The following ALX3 variants were observed in gnomAD, a reference collection of about 807,000 sequenced individuals.
The protein encoded by ALX3 is ALX homeobox 3, also known as homeobox protein aristaless-like 3.
ALX3 carries 17 observed loss-of-function variants against 26.3 expected under a neutral mutation model. The observed-to-expected ratio is 0.65, with a 90% confidence interval of 0.44 to 0.97. ALX3 has a LOEUF of 0.97. ALX3 is among the 50% of genes least tolerant of loss of function. The pLI is 0.00. For synonymous variants in ALX3, 208 were observed against 201.4 expected (o/e 1.03, Z -0.28); for missense variants, 461 against 466.5 (o/e 0.99, Z 0.11).
In ALX3 at chr1:110,060,656, G is replaced by A. The variant is rs1479224464; in HGVS notation, c.*77C>T. 3 of 297,852 alleles carry A rather than the reference G, an allele frequency of 1.0e-5. No individual in the cohort carries two copies. In the African/African-American group the frequency reaches 4.7e-4, roughly 46 times the overall value. The allele number at this position is 297,852 out of a possible 1,614,324, so 18.5% of individuals were successfully genotyped here. On this transcript the variant is annotated 3_prime_UTR_variant, in exon 4 of 4. Transcript: ENST00000647563. ...CAGCCTCCAGAACCATCTGGGGCTT[G>A]GAGGCAGAGGTGGGCTGGGAGCGAC...
At position 110,061,772 on chromosome 1, in the gene ALX3, C is replaced by A; in HGVS notation, c.595-209G>T. On this transcript the variant is annotated intron_variant, in intron 2 of 3. Coordinates refer to ENST00000647563, the MANE Select transcript of ALX3 (RefSeq NM_006492.3). ...GCCCAAGCCCACAGTGGGTAATTGG[C>A]CCCATGGGCCTCCAGCTGTCACTCC... is the stretch of plus-strand genomic sequence containing the variant. The A allele has an allele frequency of 5.8e-6, 4 of 694,644 alleles. No homozygotes were observed. The South Asian group carries it at 7.7e-5, about 13-fold the overall frequency. 43.0% of individuals were successfully genotyped at this position (694,644 alleles called of 1,614,324 possible).
chr1:110,070,127 G>A (rs900342142), intron 1 of ALX3, among the ~76,000 whole-genome samples: 4 of 152,150 alleles, frequency 2.6e-5, no homozygotes, highest in Non-Finnish European at 5.9e-5. Context: ...GCCGAGGAAC[G>A]GTGGTTCACC....
chr1:110,060,509 T>G lies in ALX3; in HGVS notation c.*224A>C. 1 of 382,936 alleles carries G rather than the reference T, an allele frequency of 2.6e-6. No homozygotes were observed. The highest frequency in any genetic ancestry group is 4.7e-6 in the Non-Finnish European group (1 of 214,532). The allele number at this position is 382,936 out of a possible 1,614,324, so 23.7% of individuals were successfully genotyped here. Reference sequence around the variant, plus strand: ...CAGAGTTCAGGTGAGGGGACTCAGTTTGTGGTAGGAAGAGTCCTGGCTGCT... The same window carrying G: ...CAGAGTTCAGGTGAGGGGACTCAGTGTGTGGTAGGAAGAGTCCTGGCTGCT... On this transcript the variant is annotated 3_prime_UTR_variant, in exon 4 of 4. Coordinates refer to ENST00000647563, the MANE Select transcript of ALX3 (RefSeq NM_006492.3).
chr1:110,067,011 C>T (rs948220163), intron 1 of ALX3, among the ~76,000 whole-genome samples: 14 of 152,210 alleles, frequency 9.2e-5, no homozygotes, highest in Admixed American at 5.9e-4. Flanking sequence ...TCTCAAGGGA[C>T]CACGGAACTG....
chr1:110,064,736 T>G lies in ALX3; in HGVS notation c.445A>C (p.Asn149His). ...CGGTTACGACGCTTCTTGCTCTTGT[T>G]CTTGGCCAACTCCATGGAGTCAGGG... ...GLPDSMELAK[N>H]KSKKRRNRTT... is the part of the protein sequence containing the mutation. Residue 149 changes from asparagine to histidine, a missense_variant, in exon 2 of 4, where the codon AAC becomes CAC. Physicochemically the swap from Asn to His is moderately conservative, Grantham distance 68. Coordinates refer to ENST00000647563, the MANE Select transcript of ALX3 (RefSeq NM_006492.3). The G allele has an allele frequency of 6.2e-7, 1 of 1,614,242 alleles. No individual in the cohort carries two copies.
chr1:110,070,358 G>A lies in ALX3; in HGVS notation c.255C>T (p.His85=). The A allele has an allele frequency of 7.8e-7, 1 of 1,290,130 alleles. No homozygotes were observed. Among genetic ancestry groups the A allele is most frequent in the Non-Finnish European group, 9.8e-7 (1 of 1,018,676 alleles). The allele number at this position is 1,290,130 out of a possible 1,614,324, so 79.9% of individuals were successfully genotyped here. Residue 85 remains histidine (H), a synonymous_variant, in exon 1 of 4, where the codon CAC becomes CAT. Transcript: ENST00000647563. Reference sequence around the variant, plus strand: ...TACCTTCCGCGGGGCCCTCGTAGAAGTGGCCGCCGTTGAGGGCCGGGCCGG... The same window carrying A: ...TACCTTCCGCGGGGCCCTCGTAGAAATGGCCGCCGTTGAGGGCCGGGCCGG... The part of the protein sequence containing the change: ...LGPGPALNGG[H]FYEGPAEAEE...
Position 110,064,731 on chromosome 1 carries a change from C to G in ALX3, c.450G>C (p.Lys150Asn). The change falls in exon 2 of 4, where the codon AAG (lysine) becomes AAC (asparagine). Residue 150 changes from lysine to asparagine, a missense_variant. Coordinates refer to ENST00000647563, the MANE Select transcript of ALX3 (RefSeq NM_006492.3). ...TCGTGCGGTTACGACGCTTCTTGCT[C>G]TTGTTCTTGGCCAACTCCATGGAGT... is the stretch of plus-strand genomic sequence containing the variant. The part of the protein sequence containing the change: ...LPDSMELAKN[K>N]SKKRRNRTTF... The G allele has an allele frequency of 6.2e-7, 1 of 1,614,236 alleles. No individual in the cohort carries two copies. Among genetic ancestry groups the G allele is most frequent in the Non-Finnish European group, 8.5e-7 (1 of 1,180,042 alleles).
At chr1:110,069,689 G>A (rs534245888) in intron 1 of ALX3, among the ~76,000 whole-genome samples, 15 of 152,368 alleles carry the variant, frequency 9.8e-5, no homozygotes, top group African/African-American at 3.4e-4. Flanking sequence ...GGCCAGCTTA[G>A]TATGAGAAAT....
chr1:110,061,728 G>A (rs1653652666), intron 2 of ALX3, 165 bp from the exon 3 acceptor site: 6 of 1,167,248 alleles, frequency 5.1e-6, no homozygotes, highest in South Asian at 1.6e-5. Context: ...AGGGAAGCCT[G>A]GGAGGAAGCC....
intron 1 of ALX3, among the ~76,000 whole-genome samples, chr1:110,066,119 T>TCA (rs1653774912): frequency 6.6e-6 from 1 of 152,142 alleles, no homozygotes; most frequent in Non-Finnish European, 1.5e-5. Context: ...CAGCTGTGGT[T>TCA]GGGGGAGGAT....
chr1:110,066,352 CACAGGT>C (rs1456388108), intron 1 of ALX3, among the ~76,000 whole-genome samples: 1 of 152,186 alleles, frequency 6.6e-6, no homozygotes, highest in Admixed American at 6.5e-5. Flanking sequence ...CAGGCCTGTA[CACAGGT>C]AGCCCACAGC....
chr1:110,061,847 G>T, intron 2 of ALX3: 2 of 491,186 alleles, frequency 4.1e-6, no homozygotes, highest in Middle Eastern at 5.7e-4. Flanking sequence ...TAGTAAGGGT[G>T]TTGTGGGGGC....
Position 110,061,500 on chromosome 1 carries a change from C to A in ALX3, c.658G>T (p.Gly220Trp). ...TAGGCAGCCGTGAAGGGGTTCCGCC[C>A]CTCCTGGATCTTCCCATAACGCTCG... ...KRERYGKIQE[G>W]RNPFTAAYDI... The change falls in exon 3 of 4, where the codon GGG (glycine) becomes TGG (tryptophan). Residue 220 changes from glycine to tryptophan, a missense_variant. Transcript: ENST00000647563. 6.2e-7 allele frequency: 1 copy of A among 1,614,214 alleles called. No individual in the cohort carries two copies. The highest frequency in any genetic ancestry group is 8.5e-7 in the Non-Finnish European group (1 of 1,180,040).
In ALX3 at chr1:110,064,620, G is replaced by T; in HGVS notation, c.561C>A (p.Ala187=). The change falls in exon 2 of 4, where the codon GCC becomes GCA. Residue 187 remains alanine, a synonymous_variant. Transcript: ENST00000647563. ...YPDVYAREQL[A]LRTDLTEARV... ...GGGCCTCAGTCAGGTCTGTGCGCAG[G>T]GCCAGCTGCTCCCGGGCATACACAT... 1 of 1,614,110 alleles carries T rather than the reference G, an allele frequency of 6.2e-7. No individual in the cohort carries two copies. Among genetic ancestry groups the T allele is most frequent in the Non-Finnish European group, 8.5e-7 (1 of 1,180,036 alleles).
intron 2 of ALX3, 131 bp downstream of exon 2, chr1:110,064,456 G>A (rs755645978): frequency 3.6e-6 from 4 of 1,117,780 alleles, no homozygotes; most frequent in Non-Finnish European, 1.3e-6. Flanking sequence ...GGAGGGGAAG[G>A]CTGGTGCAGG....
chr1:110,065,558 G>A (rs867860641), intron 1 of ALX3, among the ~76,000 whole-genome samples: 1 of 152,166 alleles, frequency 6.6e-6, no homozygotes, highest in African/African-American at 2.4e-5. Context: ...TAAAATTGTG[G>A]TATCTGGGCA....
intron 1 of ALX3, among the ~76,000 whole-genome samples, chr1:110,066,659 T>C (rs567759718): frequency 2.4e-4 from 32 of 135,538 alleles, no homozygotes; most frequent in Non-Finnish European, 4.7e-4. Flanking sequence ...AGAGTCTTGG[T>C]GTCTTGTGTT....
rs757845800 is a variant in ALX3 at position 110,061,011 on chromosome 1, A to G, written c.754T>C (p.Ser252Pro). 6.2e-7 allele frequency: 1 copy of G among 1,611,024 alleles called. No homozygotes were observed. The highest frequency in any genetic ancestry group is 2.2e-5 in the East Asian group (1 of 44,820). Residue 252 changes from serine (S) to proline (P), a missense_variant, in exon 4 of 4, where the codon TCT (serine) becomes CCT (proline). Ser to Pro is a moderately conservative substitution (Grantham distance 74). Around this residue, in one of 3 missense-constraint regions of ALX3, gnomAD observed 169 missense variants for 178.0 expected, o/e 0.95. Coordinates refer to ENST00000647563, the MANE Select transcript of ALX3 (RefSeq NM_006492.3). Reference protein sequence around the residue: ...LQNSLWASPGSGSPGGPCLVS... With the variant: ...LQNSLWASPGPGSPGGPCLVS... ...AGGCAGGGGCCTCCAGGGCTCCCAG[A>G]TCCTGGACTGGCCCACAGGGAGTTC...
In ALX3 at chr1:110,070,646, G is replaced by T; in HGVS notation, c.-34C>A. 8.3e-7 allele frequency: 1 copy of T among 1,200,736 alleles called. No individual in the cohort carries two copies. Among genetic ancestry groups the T allele is most frequent in the Non-Finnish European group, 1.0e-6 (1 of 969,122 alleles). 74.4% of individuals were successfully genotyped at this position (1,200,736 alleles called of 1,614,324 possible). On this transcript the variant is annotated 5_prime_UTR_variant, in exon 1 of 4. Transcript: ENST00000647563. ...AGGGCGCACAGGCCTCCGGGGCTCC[G>T]GGGCTCGCGCTGCCCGCGCCGCCTG...
Sources: gnomAD v4.1 joint callset for allele counts (sites outside exome capture counted in the v4.1 genomes callset) on GRCh38, gnomAD v4.1.1 for gene constraint, gnomAD v4.1.1 regional missense constraint, MANE v1.5 for transcripts, NCBI Gene and HGNC (gene_info 2026-07-23, HGNC 2026-07-21) for gene names.